Variants in FHAD1 observed in about 807,000 individuals in gnomAD.
FHAD1 encodes forkhead-associated domain-containing protein 1.
Under a neutral mutation model 191.3 loss-of-function variants are expected in FHAD1, and 146 were observed. The observed-to-expected ratio is 0.76, with a 90% confidence interval of 0.67 to 0.88. The LOEUF is 0.88. FHAD1 is among the 40% of genes least tolerant of loss of function. The pLI, the probability that FHAD1 is intolerant of heterozygous loss-of-function variation, is 0.00. For missense variants in FHAD1, 1,635 were observed against 1,785.8 expected, an observed-to-expected ratio of 0.92 and a Z score of 1.52; for synonymous variants, 616 against 672.3, an observed-to-expected ratio of 0.92 and a Z score of 1.29.
Position 15,329,307 on chromosome 1 carries a change from C to G in FHAD1, c.1711-39C>G. ...GGTCACGTCAGGGGCTATTTCTGGC[C>G]ACAGGGCCTGGGCTCCTCATGATCT... On this transcript the variant is annotated intron_variant, in intron 13 of 33. Transcript: ENST00000688493. This position sits in a 1 kb window ranked among gnomAD's most constrained non-coding sequence, Gnocchi z 5.0. 6.7e-7 allele frequency: 1 copy of G among 1,488,298 alleles called. No homozygotes were observed. The highest frequency in any genetic ancestry group is 9.0e-7 in the Non-Finnish European group (1 of 1,105,362). The allele number at this position is 1,488,298 out of a possible 1,614,324, so 92.2% of individuals were successfully genotyped here.
At chr1:15,264,878 A>G (rs1652762789) in intron 2 of FHAD1, among the ~76,000 whole-genome samples, 1 of 151,958 alleles carries the variant, frequency 6.6e-6, no homozygotes, top group African/African-American at 2.4e-5. Flanking sequence ...TGTTTTCATC[A>G]TGGAAAGAGT....
Position 15,352,782 on chromosome 1 carries a change from T to G in FHAD1, c.2455-95T>G, listed in dbSNP as rs1287584832. Reference sequence around the variant, plus strand: ...TGAGATCTTTCTCTCCAACCCTGACTTGGTGGCTTCCACGGTGACTCGTCC... The same window carrying G: ...TGAGATCTTTCTCTCCAACCCTGACGTGGTGGCTTCCACGGTGACTCGTCC... On this transcript the variant is annotated intron_variant, in intron 19 of 33. Coordinates refer to ENST00000688493, the MANE Select transcript of FHAD1 (RefSeq NM_001391957.1). 47 of 869,610 alleles carry G rather than the reference T, an allele frequency of 5.4e-5. 1 individual carries two copies. The Admixed American group carries it at 1.0e-3, about 19-fold the overall frequency. The allele number at this position is 869,610 out of a possible 1,614,324, so 53.9% of individuals were successfully genotyped here. A position where few individuals can be genotyped will look rare whatever the true frequency, so the allele number is the denominator to read the frequency against.
intron 2 of FHAD1, among the ~76,000 whole-genome samples, chr1:15,255,859 G>A (rs890147463): frequency 2.6e-5 from 4 of 152,184 alleles, no homozygotes; most frequent in African/African-American, 9.7e-5. Flanking sequence ...GAGCCAGGCA[G>A]GACTCCTTCA....
At chr1:15,304,986 TTATGA>T (rs368524288) in intron 6 of FHAD1, among the ~76,000 whole-genome samples, 312 of 152,326 alleles carry the variant, frequency 2.0e-3, no homozygotes, top group African/African-American at 7.0e-3. Context: ...CTGTCATATC[TTATGA>T]TATGCCTGCA....
chr1:15,291,056 T>A (rs1350792484), intron 4 of FHAD1, among the ~76,000 whole-genome samples: 2 of 151,778 alleles, frequency 1.3e-5, no homozygotes, highest in African/African-American at 4.8e-5. Flanking sequence ...GTAAAAATAA[T>A]TTTACAGTGA....
chr1:15,248,030 C>A (rs539978555), intron 1 of FHAD1, among the ~76,000 whole-genome samples: 3 of 151,690 alleles, frequency 2.0e-5, no homozygotes, highest in Non-Finnish European at 4.4e-5. Context: ...AGGGCCCAAC[C>A]CATTCAGCTA....
chr1:15,343,206 G>T (rs886864475), intron 16 of FHAD1, among the ~76,000 whole-genome samples: 1 of 151,946 alleles, frequency 6.6e-6, no homozygotes, highest in South Asian at 2.1e-4. Context: ...TCTCCCCGCC[G>T]ACTCTCCACA....
chr1:15,336,645 G>A (rs756210914), intron 14 of FHAD1, among the ~76,000 whole-genome samples: 1 of 152,062 alleles, frequency 6.6e-6, no homozygotes, highest in South Asian at 2.1e-4. Context: ...GGAATCCATC[G>A]CTTCTTTCGC....
At chr1:15,326,895 T>A in intron 11 of FHAD1, 164 bp from the exon 12 acceptor site, 2 of 588,608 alleles carry the variant, frequency 3.4e-6, no homozygotes. Context: ...CTTCTGTGGG[T>A]CCCGCCACTC....
chr1:15,365,486 T>TTTTTTTTTTTTTTG (rs1696124697), intron 23 of FHAD1, among the ~76,000 whole-genome samples: 1 of 144,514 alleles, frequency 6.9e-6, no homozygotes, highest in African/African-American at 2.7e-5. Context: ...GGCTAATTTT[T>TTTTTTTTTTTTTTG]TTTTTTTTTT....
chr1:15,328,209 C>G, intron 12 of FHAD1, 68 bp from the exon 13 acceptor site: 1 of 1,303,758 alleles, frequency 7.7e-7, no homozygotes, highest in Non-Finnish European at 1.0e-6. Flanking sequence ...CATTCCCCTT[C>G]CCTCAGGGCC....
At chr1:15,342,435 C>T (rs968940298) in intron 16 of FHAD1, among the ~76,000 whole-genome samples, 2 of 152,186 alleles carry the variant, frequency 1.3e-5, no homozygotes, top group Non-Finnish European at 2.9e-5. Flanking sequence ...ACATTTTCAA[C>T]AAGCTCCCAG....
rs199911474 is a variant in FHAD1 at position 15,288,905 on chromosome 1, C to G, written c.301-494C>G. 2.6e-5 allele frequency among the ~76,000 whole-genome samples: 4 copies of G among 152,174 alleles called. 1 individual carries two copies. In the South Asian group the frequency reaches 8.3e-4, roughly 32 times the overall value. ...ACTCAATGGTGGTGTGATCGTGTGC[C>G]GTGTGGTCCAGGCAAGGACCCCCAT... On this transcript the variant is annotated intron_variant, in intron 3 of 33. Transcript: ENST00000688493.
chr1:15,246,832 A>G (rs547603195), upstream of FHAD1, among the ~76,000 whole-genome samples: 3 of 151,254 alleles, frequency 2.0e-5, no homozygotes, highest in East Asian at 5.9e-4. Context: ...TACTCTTTCT[A>G]TTTTCTGGCC....
intron 20 of FHAD1, among the ~76,000 whole-genome samples, chr1:15,354,796 C>T (rs1277162180): frequency 3.3e-5 from 5 of 152,160 alleles, no homozygotes; most frequent in African/African-American, 4.8e-5. Flanking sequence ...ACCAACTGCT[C>T]GTGGAAATAT....
chr1:15,320,669 C>T (rs942512909), intron 10 of FHAD1, among the ~76,000 whole-genome samples: 3 of 152,174 alleles, frequency 2.0e-5, no homozygotes, highest in Non-Finnish European at 2.9e-5. Context: ...CCATCAGATA[C>T]ACTAGCTTTC....
In FHAD1 at chr1:15,374,599, G is replaced by A. The variant is rs185263767; in HGVS notation, c.3545G>A (p.Arg1182Gln). The change falls in exon 27 of 34, where the codon CGA (arginine) becomes CAA (glutamine). Residue 1182 changes from arginine to glutamine, a missense_variant. Physicochemically the swap from Arg to Gln is conservative, Grantham distance 43. Coordinates refer to ENST00000688493, the MANE Select transcript of FHAD1 (RefSeq NM_001391957.1). The part of the protein sequence containing the change: ...QKKALSELRA[R>Q]IKELEKARSP... ...AAGGCCTTATCTGAACTTCGAGCGC[G>A]AATTAAAGAACTCGAGAAGGCGCGC... 1.9e-4 allele frequency: 291 copies of A among 1,551,640 alleles called. No homozygotes were observed. In the East Asian group the frequency reaches 5.3e-3, roughly 28 times the overall value.
intron 3 of FHAD1, among the ~76,000 whole-genome samples, chr1:15,279,255 G>T (rs1364739987): frequency 6.6e-6 from 1 of 152,140 alleles, no homozygotes; most frequent in Non-Finnish European, 1.5e-5. Flanking sequence ...GTGTCAATAA[G>T]CATATTTTCC....
rs12034729 is a variant in FHAD1, at chr1:15,345,864, G to A, written c.2346+341G>A. Among the ~76,000 whole-genome samples the A allele has an allele frequency of 1.1e-3, 170 of 152,232 alleles. 4 individuals are homozygous for A. In the East Asian group the frequency reaches 0.029, roughly 26 times the overall value. ...CAGAGTCATGGGACCTCAGGGCTGC[G>A]TGGACCCTCCACCAGCATCCTAAAA... is the stretch of plus-strand genomic sequence containing the variant. On this transcript the variant is annotated intron_variant, in intron 18 of 33. Transcript: ENST00000688493.
Sources: gnomAD v4.1 joint callset for allele counts (sites outside exome capture counted in the v4.1 genomes callset) on GRCh38, gnomAD v4.1.1 for gene constraint, Gnocchi (gnomAD v3.1) non-coding constraint, MANE v1.5 for transcripts, NCBI Gene and HGNC (gene_info 2026-07-23, HGNC 2026-07-21) for gene names.